SEZ6L2: variants seen among roughly 807,000 people sequenced by gnomAD.
The protein encoded by SEZ6L2 is seizure related 6 homolog like 2.
In SEZ6L2, 44 loss-of-function variants were observed where a neutral mutation model predicts 97.0. The ratio of observed to expected loss-of-function variants is 0.45; its 90% CI spans 0.36 to 0.58. SEZ6L2 has a LOEUF of 0.58. Ranked by LOEUF, SEZ6L2 falls within the 20% of genes least tolerant of loss-of-function variation. The pLI is 0.00. For synonymous variants in SEZ6L2, 543 were observed against 546.1 expected (o/e 0.99, Z 0.08); for missense variants, 1,086 against 1,233.3 (o/e 0.88, Z 1.79).
chr16:29,873,498 G>A lies in SEZ6L2; in HGVS notation c.2296+40C>T, dbSNP rs2067832612. 1 of 1,613,834 alleles carries A rather than the reference G, an allele frequency of 6.2e-7. No homozygotes were observed. Among genetic ancestry groups the A allele is most frequent in the African/African-American group, 1.3e-5 (1 of 74,932 alleles). On this transcript the variant is annotated intron_variant, in intron 13 of 17. Transcript: ENST00000617533. This position sits in a 1 kb window ranked among gnomAD's most constrained non-coding sequence, Gnocchi z 4.3. ...GCACGGGGCAGACGGGCTCTCCCAG[G>A]GCTACCCAGCCACCCTCCCAGGGTG...
At position 29,871,767 on chromosome 16, in the gene SEZ6L2, T is replaced by C. The variant is rs1555507403; in HGVS notation, c.2743-39A>G. 10 of 1,595,430 alleles carry C rather than the reference T, an allele frequency of 6.3e-6. No individual in the cohort carries two copies. In the South Asian group the frequency reaches 7.9e-5, roughly 13 times the overall value. On this transcript the variant is annotated intron_variant, in intron 17 of 17. Coordinates refer to ENST00000617533, the MANE Select transcript of SEZ6L2 (RefSeq NM_001243332.2). ...GATCAGGTCAGTTGTTGGAGTCTGA[T>C]AGGGGTGGAAGAGGCAGCCGAATGG... is the stretch of plus-strand genomic sequence containing the variant.
At position 29,885,681 on chromosome 16, in the gene SEZ6L2, G is replaced by A; in HGVS notation, c.1277C>T (p.Pro426Leu). 1 of 1,614,006 alleles carries A rather than the reference G, an allele frequency of 6.2e-7. No individual in the cohort carries two copies. The highest frequency in any genetic ancestry group is 8.5e-7 in the Non-Finnish European group (1 of 1,179,988). Reference protein sequence around the residue: ...VIYDSDMDDVPERGLISDAQS... With the variant: ...VIYDSDMDDVLERGLISDAQS... ...GGCGTCACTGATGAGACCCCGCTCG[G>A]GGACATCGTCCATGTCCGAATCATA... The change falls in exon 8 of 18, where the codon CCC (proline) becomes CTC (leucine). Residue 426 changes from proline (P) to leucine (L), a missense_variant. By Grantham distance (98) the Pro-to-Leu change is moderately conservative. This residue lies in a region of SEZ6L2 where 776 missense variants were observed against 794.7 expected (regional missense o/e 0.98). Transcript: ENST00000617533.
intron 8 of SEZ6L2, among the ~76,000 whole-genome samples, chr16:29,884,766 A>G (rs1312024314): frequency 6.6e-6 from 1 of 151,464 alleles, no homozygotes; most frequent in Non-Finnish European, 1.5e-5. Context: ...ATACAAAATT[A>G]GCTGGGCATG....
intron 1 of SEZ6L2, 65 bp downstream of exon 1, chr16:29,898,876 A>G: frequency 1.2e-5 from 15 of 1,263,278 alleles, no homozygotes; most frequent in Non-Finnish European, 1.7e-5. Context: ...TATTAAGAGA[A>G]AGGAGGGTGG....
Position 29,888,665 on chromosome 16 carries a change from T to A in SEZ6L2, c.914A>T (p.Asp305Val). Reference protein sequence around the residue: ...RPAHGDVSVTDLHPGGTATFH... With the variant: ...RPAHGDVSVTVLHPGGTATFH... ...GGTGGCAGTGCCCCCAGGGTGCAGGTCCGTCACACTCACGTCCCCATGGGC... is the reference window on the plus strand; with the variant it reads ...GGTGGCAGTGCCCCCAGGGTGCAGGACCGTCACACTCACGTCCCCATGGGC... Residue 305 changes from aspartate (D) to valine (V), a missense_variant, in exon 6 of 18, where the codon GAC (aspartate) becomes GTC (valine). Around this residue, in one of 2 missense-constraint regions of SEZ6L2, gnomAD observed 776 missense variants for 794.7 expected, o/e 0.98. Transcript: ENST00000617533. 6.2e-7 allele frequency: 1 copy of A among 1,613,850 alleles called. No homozygotes were observed. The highest frequency in any genetic ancestry group is 8.5e-7 in the Non-Finnish European group (1 of 1,179,894).
rs572329527 is a variant in SEZ6L2 at position 29,888,692 on chromosome 16, G to A, written c.887C>T (p.Pro296Leu). 42 of 1,613,438 alleles carry A rather than the reference G, an allele frequency of 2.6e-5. No individual in the cohort carries two copies. Among genetic ancestry groups the A allele is most frequent in the Non-Finnish European group, 3.0e-5 (35 of 1,179,732 alleles). ...YLLSCGFPPR[P>L]AHGDVSVTDL... Reference sequence around the variant, plus strand: ...CGTCACACTCACGTCCCCATGGGCCGGCCGGGGAGGGAAGCCACAGCTCAG... The same window carrying A: ...CGTCACACTCACGTCCCCATGGGCCAGCCGGGGAGGGAAGCCACAGCTCAG... The change falls in exon 6 of 18, where the codon CCG becomes CTG. Residue 296 changes from proline to leucine, a missense_variant. Pro to Leu is a moderately conservative substitution (Grantham distance 98, BLOSUM62 -3). This residue lies in a region of SEZ6L2 where 776 missense variants were observed against 794.7 expected (regional missense o/e 0.98). Coordinates refer to ENST00000617533, the MANE Select transcript of SEZ6L2 (RefSeq NM_001243332.2).
At position 29,880,737 on chromosome 16, in the gene SEZ6L2, A is replaced by C. The variant is rs552254679; in HGVS notation, c.1373-673T>G. ...CTCCCAAAATGCTGGGATTACAGAC[A>C]TGAGTCACTGCGCCCAGCCTGGGTT... On this transcript the variant is annotated intron_variant, in intron 8 of 17. Coordinates refer to ENST00000617533, the MANE Select transcript of SEZ6L2 (RefSeq NM_001243332.2). 4.0e-5 allele frequency among the ~76,000 whole-genome samples: 6 copies of C among 151,632 alleles called. No individual in the cohort carries two copies. The East Asian group carries it at 1.2e-3, about 30-fold the overall frequency.
At chr16:29,890,320 C>T (rs187618840) in intron 5 of SEZ6L2, among the ~76,000 whole-genome samples, 35 of 152,292 alleles carry the variant, frequency 2.3e-4, no homozygotes, top group Admixed American at 1.3e-4. Flanking sequence ...AGGCCTTGTC[C>T]TCAGGAGTCC....
chr16:29,891,381 G>A (rs959605278), intron 5 of SEZ6L2, among the ~76,000 whole-genome samples: 4 of 151,954 alleles, frequency 2.6e-5, no homozygotes, highest in African/African-American at 9.7e-5. Flanking sequence ...TGTCTACACT[G>A]GCCCAAGCCT....
chr16:29,894,050 T>C (rs940984571), intron 5 of SEZ6L2, among the ~76,000 whole-genome samples: 11 of 152,310 alleles, frequency 7.2e-5, no homozygotes, highest in Admixed American at 7.2e-4. Context: ...TTTGTAATTT[T>C]AGTAGAGATG....
At chr16:29,878,184 G>T in intron 10 of SEZ6L2, 103 bp downstream of exon 10, 3 of 1,363,328 alleles carry the variant, frequency 2.2e-6, no homozygotes, top group African/African-American at 1.5e-5. Context: ...ATTCTGGATA[G>T]ATACGCAAGA....
At chr16:29,882,307 T>C (rs2068046842) in intron 8 of SEZ6L2, among the ~76,000 whole-genome samples, 1 of 151,922 alleles carries the variant, frequency 6.6e-6, no homozygotes, top group Non-Finnish European at 1.5e-5. Context: ...CCAGATGCAG[T>C]GGCTCACACC....
In SEZ6L2 at chr16:29,896,969, G is replaced by A. The variant is rs1461195385; in HGVS notation, c.364C>T (p.Leu122=). 1 of 1,594,010 alleles carries A rather than the reference G, an allele frequency of 6.3e-7. No individual in the cohort carries two copies. The highest frequency in any genetic ancestry group is 2.3e-5 in the East Asian group (1 of 44,122). The change falls in exon 3 of 18, where the codon CTG becomes TTG. Residue 122 remains leucine (L), a synonymous_variant. Coordinates refer to ENST00000617533, the MANE Select transcript of SEZ6L2 (RefSeq NM_001243332.2). ...VRGAGPTAPE[L]LTPPPGTTAP... Reference sequence around the variant, plus strand: ...GTGGTTCCTGGGGGCGGGGTCAGCAGTTCTGGCGCAGTGGGGCCTGCCCCC... The same window carrying A: ...GTGGTTCCTGGGGGCGGGGTCAGCAATTCTGGCGCAGTGGGGCCTGCCCCC...
chr16:29,884,549 G>A (rs111317178), intron 8 of SEZ6L2, among the ~76,000 whole-genome samples: 1,822 of 151,726 alleles, frequency 0.012, 29 homozygotes, highest in African/African-American at 0.042. Context: ...CTGAGATCGC[G>A]CCACTGCACT....
chr16:29,885,474 G>C, intron 8 of SEZ6L2, 112 bp downstream of exon 8: 2 of 1,188,196 alleles, frequency 1.7e-6, no homozygotes, highest in Non-Finnish European at 2.4e-6. Flanking sequence ...ACGTTTCAAG[G>C]AACCCAGCAC....
In SEZ6L2 at chr16:29,888,674, C is replaced by G. The variant is rs779404660; in HGVS notation, c.905G>C (p.Ser302Thr). ...GCCCCCAGGGTGCAGGTCCGTCACA[C>G]TCACGTCCCCATGGGCCGGCCGGGG... ...FPPRPAHGDV[S>T]VTDLHPGGTA... The change falls in exon 6 of 18, where the codon AGT becomes ACT. Residue 302 changes from serine to threonine, a missense_variant. Around this residue, in one of 2 missense-constraint regions of SEZ6L2, gnomAD observed 776 missense variants for 794.7 expected, o/e 0.98. Transcript: ENST00000617533. 1 of 1,613,968 alleles carries G rather than the reference C, an allele frequency of 6.2e-7. No homozygotes were observed. Among genetic ancestry groups the G allele is most frequent in the Non-Finnish European group, 8.5e-7 (1 of 1,179,912 alleles).
At position 29,871,740 on chromosome 16, in the gene SEZ6L2, G is replaced by C. The variant is rs1415354201; in HGVS notation, c.2743-12C>G. On this transcript the variant is annotated splice_polypyrimidine_tract_variant and intron_variant, in intron 17 of 17. Coordinates refer to ENST00000617533, the MANE Select transcript of SEZ6L2 (RefSeq NM_001243332.2). ...TACTCCCGCGTATCCTGAAGACAGA[G>C]AGATCAGGTCAGTTGTTGGAGTCTG... is the stretch of plus-strand genomic sequence containing the variant. The C allele has an allele frequency of 4.4e-6, 7 of 1,607,062 alleles. No individual in the cohort carries two copies. Among genetic ancestry groups the C allele is most frequent in the East Asian group, 4.5e-5 (2 of 44,672 alleles).
Position 29,899,110 on chromosome 16 carries a change from GTTTTTTTTTT to G in SEZ6L2, c.-101_-92del, listed in dbSNP as rs556364210. 9 of 500,050 alleles carry G rather than the reference GTTTTTTTTTT, an allele frequency of 1.8e-5. 1 individual carries two copies. The highest frequency in any genetic ancestry group is 1.2e-4 in the South Asian group (6 of 48,806). The allele number at this position is 500,050 out of a possible 1,614,324, so 31.0% of individuals were successfully genotyped here. A position where few individuals can be genotyped will look rare whatever the true frequency, so the allele number is the denominator to read the frequency against. ...TCTCCGTTTATCTTTCCCTTTAATT[GTTTTTTTTTT>G]TTTTTTTTTTTTCCTCGTAGGAGTC... On this transcript the variant is annotated 5_prime_UTR_variant, in exon 1 of 18. Transcript: ENST00000617533.
intron 17 of SEZ6L2, 77 bp from the exon 18 acceptor site, chr16:29,871,805 C>A: frequency 7.4e-7 from 1 of 1,349,770 alleles, no homozygotes; most frequent in Non-Finnish European, 1.0e-6. Context: ...GGAGGGGCAA[C>A]GATCCTGGGT....
Sources: allele counts gnomAD v4.1 joint callset (sites outside exome capture counted in the v4.1 genomes callset), GRCh38; gene constraint gnomAD v4.1.1; regional missense constraint gnomAD v4.1.1; non-coding constraint Gnocchi (gnomAD v3.1); transcripts MANE v1.5; gene names NCBI Gene and HGNC (gene_info 2026-07-23, HGNC 2026-07-21).